Variants in CHUK observed in about 807,000 individuals in gnomAD.
CHUK encodes component of inhibitor of nuclear factor kappa B kinase complex.
CHUK carries 35 observed loss-of-function variants against 104.8 expected under a neutral mutation model. The observed-to-expected ratio is 0.33, with a 90% CI of 0.26 to 0.44. CHUK has a LOEUF of 0.44. CHUK is among the 20% of genes least tolerant of loss of function. CHUK has a pLI of 1.00. For synonymous variants in CHUK, 276 were observed against 291.9 expected, an observed-to-expected ratio of 0.95 and a Z score of 0.56; for missense variants, 663 against 902.7, an observed-to-expected ratio of 0.73 and a Z score of 3.40.
chr10:100,217,970 ATGCAGTAGACCCAT>A lies in CHUK; in HGVS notation c.933+11_933+24del. 1 of 1,604,024 alleles carries A rather than the reference ATGCAGTAGACCCAT, an allele frequency of 6.2e-7. No homozygotes were observed. Among genetic ancestry groups the A allele is most frequent in the Non-Finnish European group, 8.5e-7 (1 of 1,170,718 alleles). ...ACTTGTTACTTTCAATGCTGGTCTT[ATGCAGTAGACCCAT>A]TAAGACTAACCTTCAAATTCAAAAT... On this transcript the variant is annotated intron_variant, in intron 9 of 20. Transcript: ENST00000370397.
downstream of CHUK, chr10:100,186,592 G>T (rs1845009636): frequency 6.6e-6 from 1 of 152,300 alleles, no homozygotes. Flanking sequence ...AGCACATGGG[G>T]CGGGAGGCGG....
chr10:100,215,214 C>CAAAAAAAAAA (rs913817319), intron 9 of CHUK, among the ~76,000 whole-genome samples: 4 of 51,580 alleles, frequency 7.8e-5, no homozygotes, highest in African/African-American at 2.0e-4. Flanking sequence ...GGCTCCATAT[C>CAAAAAAAAAA]AAAAAAAAAA....
At chr10:100,188,254 G>C (rs1428514433), downstream of CHUK, 1 of 152,538 alleles carries the variant, frequency 6.6e-6, no homozygotes, top group African/African-American at 2.4e-5. Context: ...CCTAAGGAAA[G>C]TACAGTTATT....
At chr10:100,211,491 G>A (rs1246739076) in intron 9 of CHUK, among the ~76,000 whole-genome samples, 1 of 151,664 alleles carries the variant, frequency 6.6e-6, no homozygotes, top group African/African-American at 2.4e-5. Flanking sequence ...CCCCGCACCC[G>A]CATCCCTGCA....
intron 1 of CHUK, among the ~76,000 whole-genome samples, chr10:100,226,440 T>G (rs1439363881): frequency 1.3e-5 from 2 of 152,140 alleles, no homozygotes; most frequent in African/African-American, 4.8e-5. Context: ...AAGAGAAAGT[T>G]TTAATATAAC....
intron 13 of CHUK, 84 bp downstream of exon 13, chr10:100,204,422 C>G (rs1183123479): frequency 9.1e-7 from 1 of 1,097,048 alleles, no homozygotes; most frequent in East Asian, 2.4e-5. Flanking sequence ...GTAAGTAAAA[C>G]AACTGGCTGA....
chr10:100,214,562 G>A (rs1477020403), intron 9 of CHUK, among the ~76,000 whole-genome samples: 3 of 152,190 alleles, frequency 2.0e-5, no homozygotes, highest in Admixed American at 2.0e-4. Flanking sequence ...AACAAGGTGA[G>A]CAGAAGCAGA....
chr10:100,202,193 C>A (rs550039984), intron 13 of CHUK, 44 bp from the exon 14 acceptor site: 2 of 1,288,698 alleles, frequency 1.6e-6, no homozygotes, highest in African/African-American at 2.9e-5. Flanking sequence ...ATAGCCATAT[C>A]TTTAATTACT....
chr10:100,221,740 C>T lies in CHUK; in HGVS notation c.385+372G>A, dbSNP rs11190428. Among the ~76,000 whole-genome samples the T allele has an allele frequency of 2.2e-3, 342 of 152,174 alleles. 1 individual carries two copies. Among genetic ancestry groups the T allele is most frequent in the Non-Finnish European group, 4.1e-3 (278 of 67,992 alleles). The stretch of plus-strand genomic sequence containing the variant: ...GCAACCTCTATCTCCTGGGTTCAAG[C>T]GATTCTCCTGCCTCAGCCTCCCGAG... On this transcript the variant is annotated intron_variant, in intron 4 of 20. Coordinates refer to ENST00000370397, the MANE Select transcript of CHUK (RefSeq NM_001278.5).
intron 17 of CHUK, 71 bp from the exon 18 acceptor site, chr10:100,194,202 G>T: frequency 6.5e-7 from 1 of 1,539,534 alleles, no homozygotes; most frequent in Non-Finnish European, 8.9e-7. Context: ...CCAAAACCCA[G>T]CTGAGGAAAT....
At chr10:100,210,929 T>C (rs1380436377) in intron 9 of CHUK, among the ~76,000 whole-genome samples, 1 of 152,208 alleles carries the variant, frequency 6.6e-6, no homozygotes, top group Non-Finnish European at 1.5e-5. Context: ...AAGAACATGA[T>C]TTTAAATTCT....
intron 10 of CHUK, among the ~76,000 whole-genome samples, chr10:100,207,593 T>C (rs1302396149): frequency 6.6e-6 from 1 of 152,010 alleles, no homozygotes; most frequent in Non-Finnish European, 1.5e-5. Flanking sequence ...AACTAATCGG[T>C]AATCAAAACG....
chr10:100,200,903 C>A (rs190732354), intron 14 of CHUK, 123 bp from the exon 15 acceptor site: 3 of 697,626 alleles, frequency 4.3e-6, no homozygotes, highest in Admixed American at 2.1e-5. Flanking sequence ...TAATATAATA[C>A]GAAACACTGA....
chr10:100,216,426 G>A (rs908647292), intron 9 of CHUK, among the ~76,000 whole-genome samples: 3 of 152,262 alleles, frequency 2.0e-5, no homozygotes, highest in South Asian at 2.1e-4. Flanking sequence ...TGCCAAGGTC[G>A]GGCACAGTAG....
intron 13 of CHUK, among the ~76,000 whole-genome samples, 168 bp downstream of exon 13, chr10:100,204,338 A>C (rs911136406): frequency 8.5e-5 from 13 of 152,360 alleles, no homozygotes; most frequent in Middle Eastern, 3.4e-3. Context: ...GCAAATTTAA[A>C]AAAAGAGGTA....
intron 9 of CHUK, among the ~76,000 whole-genome samples, chr10:100,217,645 G>A (rs1845888557): frequency 6.6e-6 from 1 of 152,252 alleles, no homozygotes; most frequent in South Asian, 2.1e-4. Flanking sequence ...GGGAGGTGGA[G>A]GCGGGCAGAT....
In CHUK at chr10:100,190,662, G is replaced by A; in HGVS notation, c.2208+207C>T. 4 of 574,716 alleles carry A rather than the reference G, an allele frequency of 7.0e-6. No homozygotes were observed. In the South Asian group the frequency reaches 7.8e-5, roughly 11 times the overall value. The allele number at this position is 574,716 out of a possible 1,614,324, so 35.6% of individuals were successfully genotyped here. ...TAATTTGACCAAAAATGCTATTATTGAAGATAATTGATGACATAATCCTAG... is the reference window on the plus strand; with the variant it reads ...TAATTTGACCAAAAATGCTATTATTAAAGATAATTGATGACATAATCCTAG... On this transcript the variant is annotated intron_variant, in intron 20 of 20. Coordinates refer to ENST00000370397, the MANE Select transcript of CHUK (RefSeq NM_001278.5).
chr10:100,210,091 A>ATTTATTTTTTTTTTT (rs58570772), intron 9 of CHUK, among the ~76,000 whole-genome samples: 1 of 121,802 alleles, frequency 8.2e-6, no homozygotes, highest in Non-Finnish European at 1.8e-5. Flanking sequence ...TTATTTATTT[A>ATTTATTTTTTTTTTT]TTTTTTTTTT....
In CHUK at chr10:100,194,007, A is replaced by G. The variant is rs1277816688; in HGVS notation, c.1951T>C (p.Trp651Arg). The G allele has an allele frequency of 1.2e-6, 2 of 1,613,806 alleles. No homozygotes were observed. The highest frequency in any genetic ancestry group is 1.7e-6 in the Non-Finnish European group (2 of 1,179,760). Residue 651 changes from tryptophan to arginine, a missense_variant, in exon 18 of 21, where the codon TGG (tryptophan) becomes CGG (arginine). Physicochemically the swap from Trp to Arg is moderately radical, Grantham distance 101 (BLOSUM62 -3). This residue lies in a region of CHUK where 311 missense variants were observed against 393.4 expected (regional missense o/e 0.79). Transcript: ENST00000370397. ...ACACAGGCAATTTTAAGGAGATGCC[A>G]TATTTCTTTCTGCCTTTTTCCCTGC... ...FMQGKRQKEI[W>R]HLLKIACTQS...
Sources: allele counts gnomAD v4.1 joint callset (sites outside exome capture counted in the v4.1 genomes callset), GRCh38; gene constraint gnomAD v4.1.1; regional missense constraint gnomAD v4.1.1; transcripts MANE v1.5; gene names NCBI Gene and HGNC (gene_info 2026-07-23, HGNC 2026-07-21).